The following LIMCH1 variants were observed in gnomAD, a reference collection of about 807,000 sequenced individuals.
The protein encoded by LIMCH1 is LIM and calponin homology domains-containing protein 1.
Under a neutral mutation model 176.5 loss-of-function variants are expected in LIMCH1, and 113 were observed. The ratio of observed to expected loss-of-function variants is 0.64; its 90% CI spans 0.55 to 0.75. The LOEUF is 0.75. LIMCH1 is among the 30% of genes least tolerant of loss of function. LIMCH1 has a pLI of 0.00. For synonymous variants in LIMCH1, 619 were observed against 645.9 expected, an observed-to-expected ratio of 0.96 and a Z score of 0.63; for missense variants, 1,674 against 1,814.9, an observed-to-expected ratio of 0.92 and a Z score of 1.41.
rs1435038677 is a variant in LIMCH1 at position 41,698,388 on chromosome 4, C to T, written c.*1203C>T. On this transcript the variant is annotated 3_prime_UTR_variant, in exon 32 of 32. Transcript: ENST00000503057. ...GCCCATGGAGAAGTTTAGAGAGGAA[C>T]TCTTGTGGAGAGCTGGTTTATTTTC... 2.0e-5 allele frequency: 3 copies of T among 152,188 alleles called. No individual in the cohort carries two copies. Among genetic ancestry groups the T allele is most frequent in the Admixed American group, 2.0e-4 (3 of 15,272 alleles). The allele number at this position is 152,188 out of a possible 1,614,324, so 9.4% of individuals were successfully genotyped here.
intron 1 of LIMCH1, among the ~76,000 whole-genome samples, chr4:41,401,826 C>G (rs1009934628): frequency 6.6e-6 from 1 of 152,094 alleles, no homozygotes; most frequent in African/African-American, 2.4e-5. Flanking sequence ...TGATTTGGCT[C>G]TCTGTTTGTC....
chr4:41,650,343 T>C, intron 17 of LIMCH1, 50 bp from the exon 18 acceptor site: 1 of 1,331,978 alleles, frequency 7.5e-7, no homozygotes, highest in Non-Finnish European at 1.1e-6. Flanking sequence ...TGTTACAGTC[T>C]TTGATTGGGG....
chr4:41,643,595 A>G (rs1001769132), intron 14 of LIMCH1, among the ~76,000 whole-genome samples: 8 of 152,232 alleles, frequency 5.3e-5, no homozygotes, highest in African/African-American at 1.7e-4. Context: ...CTTGCACAAC[A>G]TTTAATAAGC....
intron 3 of LIMCH1, among the ~76,000 whole-genome samples, chr4:41,528,798 C>T (rs929490556): frequency 2.0e-5 from 3 of 152,190 alleles, no homozygotes; most frequent in Admixed American, 2.0e-4. Context: ...TGTGTTTTCA[C>T]ATAGCAATAT....
At chr4:41,444,351 CACAT>C (rs1325114047) in intron 1 of LIMCH1, among the ~76,000 whole-genome samples, 35 of 135,032 alleles carry the variant, frequency 2.6e-4, no homozygotes, top group East Asian at 4.4e-4. Context: ...CACACACACA[CACAT>C]ATATAGAGTG....
chr4:41,369,185 C>G (rs1306340388), intron 1 of LIMCH1, among the ~76,000 whole-genome samples: 1 of 152,174 alleles, frequency 6.6e-6, no homozygotes, highest in Non-Finnish European at 1.5e-5. Flanking sequence ...CTTAGACCCC[C>G]TCCCCCATCT....
intron 31 of LIMCH1, among the ~76,000 whole-genome samples, chr4:41,694,846 T>C (rs1477000231): frequency 6.6e-6 from 1 of 152,072 alleles, no homozygotes; most frequent in African/African-American, 2.4e-5. Context: ...AAGTGCACTC[T>C]CCCTGCAAAA....
chr4:41,608,373 A>G (rs574599293), intron 4 of LIMCH1, among the ~76,000 whole-genome samples: 1 of 152,374 alleles, frequency 6.6e-6, no homozygotes, highest in East Asian at 1.9e-4. Context: ...ACTTGGGGAA[A>G]GTAGACTTTA....
intron 1 of LIMCH1, among the ~76,000 whole-genome samples, chr4:41,556,648 A>C (rs979825738): frequency 1.3e-5 from 2 of 152,060 alleles, no homozygotes; most frequent in Admixed American, 6.6e-5. Flanking sequence ...GAATTAAGTC[A>C]AGCCCCATAT....
intron 1 of LIMCH1, among the ~76,000 whole-genome samples, chr4:41,561,782 G>A (rs915158325): frequency 6.6e-6 from 1 of 152,142 alleles, no homozygotes; most frequent in Non-Finnish European, 1.5e-5. Flanking sequence ...GGGAACAGCA[G>A]AATGGGAAAA....
At chr4:41,563,087 A>G (rs1317468210) in intron 1 of LIMCH1, among the ~76,000 whole-genome samples, 3 of 152,160 alleles carry the variant, frequency 2.0e-5, no homozygotes, top group Admixed American at 1.3e-4. Flanking sequence ...GGGAAGATTC[A>G]TCTTCTGTTA....
At chr4:41,607,175 G>A (rs1224727016) in intron 4 of LIMCH1, among the ~76,000 whole-genome samples, 1 of 152,142 alleles carries the variant, frequency 6.6e-6, no homozygotes, top group Non-Finnish European at 1.5e-5. Flanking sequence ...TCTCTAGTAT[G>A]CAAAATAAAT....
intron 18 of LIMCH1, among the ~76,000 whole-genome samples, chr4:41,654,635 GTGGGATGTGGA>G (rs921894878): frequency 1.3e-4 from 20 of 152,280 alleles, no homozygotes; most frequent in Admixed American, 1.3e-3. Context: ...AAGGTTTTGT[GTGGGATGTGGA>G]TTTTGAAACT....
rs967169835 is a variant in LIMCH1 at position 41,460,456 on chromosome 4, ATC to A, written c.97-34078_97-34077del. On this transcript the variant is annotated intron_variant, in intron 1 of 26. Coordinates refer to the LIMCH1 transcript ENST00000313860. ...GTAAATTTGTTCCACTATAGTAATCATCTATATATATATATATATATATCTTA... is the reference window on the plus strand; with the variant it reads ...GTAAATTTGTTCCACTATAGTAATCATATATATATATATATATATATCTTA... Among the ~76,000 whole-genome samples, 34 of 95,476 alleles carry A rather than the reference ATC, an allele frequency of 3.6e-4. 3 individuals carry two copies. Among genetic ancestry groups the A allele is most frequent in the African/African-American group, 1.9e-3 (31 of 16,608 alleles). 62.6% of individuals were successfully genotyped at this position (95,476 alleles called of 152,430 possible).
chr4:41,361,165 G>A (rs1439896678), intron 1 of LIMCH1, among the ~76,000 whole-genome samples: 1 of 152,200 alleles, frequency 6.6e-6, no homozygotes, highest in Non-Finnish European at 1.5e-5. Context: ...GTCTAGCTGC[G>A]CGCGTGAGGG....
chr4:41,596,743 G>C (rs994268240), intron 1 of LIMCH1, among the ~76,000 whole-genome samples: 1 of 152,160 alleles, frequency 6.6e-6, no homozygotes, highest in Non-Finnish European at 1.5e-5. Flanking sequence ...TCTTACATTT[G>C]ATAATTTAAA....
At chr4:41,417,254 C>T (rs2060027511) in intron 1 of LIMCH1, among the ~76,000 whole-genome samples, 1 of 152,120 alleles carries the variant, frequency 6.6e-6, no homozygotes, top group East Asian at 1.9e-4. Context: ...GTGAAAACAG[C>T]CTGTTTTCCT....
intron 2 of LIMCH1, among the ~76,000 whole-genome samples, chr4:41,507,218 C>T (rs932369685): frequency 1.1e-4 from 16 of 152,222 alleles, no homozygotes; most frequent in Non-Finnish European, 1.5e-4. Context: ...CACCTCCACA[C>T]GCCCAGCAAC....
At chr4:41,487,969 C>T in intron 1 of LIMCH1, among the ~76,000 whole-genome samples, 1 of 148,166 alleles carries the variant, frequency 6.7e-6, no homozygotes, top group Non-Finnish European at 1.5e-5. Context: ...TTGTATTTAT[C>T]ATAAGAGTTT....
Sources: allele counts gnomAD v4.1 joint callset (sites outside exome capture counted in the v4.1 genomes callset), GRCh38; gene constraint gnomAD v4.1.1; transcripts MANE v1.5; gene names NCBI Gene and HGNC (gene_info 2026-07-23, HGNC 2026-07-21).